LRP1B: variants seen among roughly 807,000 people sequenced by gnomAD.
LRP1B encodes the protein low-density lipoprotein receptor-related protein 1B.
Under a neutral mutation model 556.6 loss-of-function variants are expected in LRP1B, and 217 were observed. The ratio of observed to expected loss-of-function variants is 0.39; its 90% CI spans 0.35 to 0.44. LRP1B has a LOEUF of 0.44. LRP1B is among the 20% of genes least tolerant of loss of function. LRP1B has a pLI of 1.00. For missense variants in LRP1B, 5,053 were observed against 5,620.8 expected, an observed-to-expected ratio of 0.90 and a Z score of 3.23; for synonymous variants, 2,047 against 1,865.8, an observed-to-expected ratio of 1.10 and a Z score of -2.50.
intron 3 of LRP1B, among the ~76,000 whole-genome samples, chr2:141,440,543 T>C (rs1680924975): frequency 6.6e-6 from 1 of 152,230 alleles, no homozygotes; most frequent in African/African-American, 2.4e-5. Flanking sequence ...CTGTCTAAAA[T>C]GGACTGCAAA....
chr2:141,510,587 C>T (rs1219770932), intron 2 of LRP1B, among the ~76,000 whole-genome samples: 1 of 151,892 alleles, frequency 6.6e-6, no homozygotes, highest in Admixed American at 6.6e-5. Context: ...AATCTAAAGT[C>T]CTTCCCCTAT....
At chr2:141,544,321 TC>T (rs1325358767) in intron 2 of LRP1B, among the ~76,000 whole-genome samples, 3 of 47,332 alleles carry the variant, frequency 6.3e-5, no homozygotes, top group South Asian at 1.7e-3. Flanking sequence ...TTCTTCTTCT[TC>T]TTCTTCTTCT....
chr2:140,482,058 T>C (rs1425551498), intron 59 of LRP1B, among the ~76,000 whole-genome samples: 2 of 152,194 alleles, frequency 1.3e-5, no homozygotes, highest in Non-Finnish European at 2.9e-5. Flanking sequence ...TCATTTTCTC[T>C]ACCTTAAAAG....
chr2:141,614,804 T>G (rs918988311), intron 2 of LRP1B, among the ~76,000 whole-genome samples: 1 of 152,218 alleles, frequency 6.6e-6, no homozygotes, highest in Non-Finnish European at 1.5e-5. Context: ...CCTCCAGAAC[T>G]GTGAGAGAAT....
chr2:140,766,548 T>C (rs1330381936), intron 35 of LRP1B, among the ~76,000 whole-genome samples: 1 of 151,876 alleles, frequency 6.6e-6, no homozygotes, highest in Admixed American at 6.6e-5. Context: ...CACTGAATGT[T>C]AGCCTCTTAG....
At chr2:141,959,247 A>T (rs1440022031) in intron 1 of LRP1B, among the ~76,000 whole-genome samples, 1 of 151,972 alleles carries the variant, frequency 6.6e-6, no homozygotes, top group Non-Finnish European at 1.5e-5. Context: ...GTTTGTTAAG[A>T]ATGCTACTCA....
At chr2:141,035,016 A>G (rs1020727607) in intron 11 of LRP1B, among the ~76,000 whole-genome samples, 2 of 152,122 alleles carry the variant, frequency 1.3e-5, no homozygotes, top group African/African-American at 4.8e-5. Context: ...GCCATGGAAT[A>G]CTATGCAGCC....
chr2:141,728,942 AG>A (rs1157801024), intron 2 of LRP1B, among the ~76,000 whole-genome samples: 1 of 151,916 alleles, frequency 6.6e-6, no homozygotes, highest in African/African-American at 2.4e-5. Context: ...CTAGGTGGAG[AG>A]GGGGGTGCCA....
At chr2:140,645,145 A>G (rs1684435760) in intron 41 of LRP1B, among the ~76,000 whole-genome samples, 1 of 152,084 alleles carries the variant, frequency 6.6e-6, no homozygotes. Flanking sequence ...TTTGGATTTT[A>G]CCATTTGCAG....
At chr2:141,153,487 CTATA>C (rs1218060544) in intron 7 of LRP1B, among the ~76,000 whole-genome samples, 1 of 114,546 alleles carries the variant, frequency 8.7e-6, no homozygotes, top group Non-Finnish European at 1.7e-5. Flanking sequence ...TATATATTAG[CTATA>C]TATATTTATA....
chr2:140,320,002 G>T (rs1411276189), intron 82 of LRP1B, among the ~76,000 whole-genome samples: 1 of 152,072 alleles, frequency 6.6e-6, no homozygotes, highest in African/African-American at 2.4e-5. Context: ...TAACTAAAAT[G>T]AATGACTTAT....
intron 41 of LRP1B, among the ~76,000 whole-genome samples, chr2:140,659,868 T>C: frequency 6.6e-6 from 1 of 151,900 alleles, no homozygotes; most frequent in East Asian, 1.9e-4. Context: ...TCAAGAAAAA[T>C]AGATTATTTG....
intron 27 of LRP1B, among the ~76,000 whole-genome samples, chr2:140,864,672 T>C (rs1289550849): frequency 6.6e-6 from 1 of 152,090 alleles, no homozygotes; most frequent in Non-Finnish European, 1.5e-5. Context: ...TTTTTTAATA[T>C]ACCTGAAACT....
At chr2:141,909,634 C>T (rs1230678180) in intron 1 of LRP1B, among the ~76,000 whole-genome samples, 2 of 147,976 alleles carry the variant, frequency 1.4e-5, no homozygotes, top group Admixed American at 1.4e-4. Context: ...TTTGTGCTCA[C>T]CAGTGGAGCC....
At chr2:141,056,895 T>C (rs951450871) in intron 9 of LRP1B, among the ~76,000 whole-genome samples, 3 of 151,938 alleles carry the variant, frequency 2.0e-5, no homozygotes, top group African/African-American at 7.2e-5. Context: ...TTAAATTTGC[T>C]ATCTTTGTCC....
chr2:141,398,566 T>C (rs1690331269), intron 3 of LRP1B, among the ~76,000 whole-genome samples: 1 of 152,176 alleles, frequency 6.6e-6, no homozygotes, highest in African/African-American at 2.4e-5. Flanking sequence ...GTCATCATTG[T>C]ACCCCCGGCT....
At chr2:140,234,948 A>C (rs1680633813) in intron 89 of LRP1B, 64 bp from the exon 90 acceptor site, 1 of 704,136 alleles carries the variant, frequency 1.4e-6, no homozygotes, top group East Asian at 2.5e-5. Flanking sequence ...TCATCGATAC[A>C]TATCATGTTA....
At chr2:141,605,958 A>T (rs954922966) in intron 2 of LRP1B, among the ~76,000 whole-genome samples, 5 of 152,162 alleles carry the variant, frequency 3.3e-5, no homozygotes, top group Non-Finnish European at 7.4e-5. Flanking sequence ...AAAGAAAAAA[A>T]AAAACATTGA....
At position 140,358,118 on chromosome 2, in the gene LRP1B, T is replaced by C. The variant is rs1682319649; in HGVS notation, c.11258-2A>G. 6 of 1,609,174 alleles carry C rather than the reference T, an allele frequency of 3.7e-6. No individual in the cohort carries two copies. The East Asian group carries it at 1.1e-4, about 30-fold the overall frequency. On this transcript the variant is annotated splice_acceptor_variant, in intron 73 of 90. Coordinates refer to ENST00000389484, the MANE Select transcript of LRP1B (RefSeq NM_018557.3). LOFTEE classifies it high-confidence loss of function. Reference sequence around the variant, plus strand: ...GCCTTGCTTTATATGTCAGCTTACCTATAGAGTCATACAAAAAATGATTAG... The same window carrying C: ...GCCTTGCTTTATATGTCAGCTTACCCATAGAGTCATACAAAAAATGATTAG...
Sources: gnomAD v4.1 joint callset for allele counts (sites outside exome capture counted in the v4.1 genomes callset) on GRCh38, gnomAD v4.1.1 for gene constraint, MANE v1.5 for transcripts, NCBI Gene and HGNC (gene_info 2026-07-23, HGNC 2026-07-21) for gene names.